Variants in ERO1A observed in about 807,000 individuals in gnomAD.
ERO1A encodes the protein ERO1-like protein alpha.
ERO1A carries 49 observed loss-of-function variants against 76.9 expected under a neutral mutation model. That is an observed-to-expected ratio of 0.64 (90% CI 0.51 to 0.81). The LOEUF is 0.81. ERO1A is among the 30% of genes least tolerant of loss of function. The pLI is 0.00. For synonymous variants in ERO1A, 174 were observed against 181.2 expected, an observed-to-expected ratio of 0.96 and a Z score of 0.32; for missense variants, 448 against 542.1, an observed-to-expected ratio of 0.83 and a Z score of 1.72.
intron 3 of ERO1A, among the ~76,000 whole-genome samples, chr14:52,681,344 A>C (rs1471606541): frequency 1.3e-5 from 2 of 152,232 alleles, no homozygotes; most frequent in African/African-American, 4.8e-5. Context: ...CTGTAATCCC[A>C]GCACTTTGGG....
At chr14:52,659,854 AAGAC>A (rs1295162833) in intron 9 of ERO1A, among the ~76,000 whole-genome samples, 1 of 151,272 alleles carries the variant, frequency 6.6e-6, no homozygotes, top group Non-Finnish European at 1.5e-5. Context: ...AAAAAGAAAA[AAGAC>A]AGTCTTGCTC....
chr14:52,662,946 G>GTT (rs1351012567), intron 8 of ERO1A, among the ~76,000 whole-genome samples: 1 of 152,146 alleles, frequency 6.6e-6, no homozygotes, highest in East Asian at 1.9e-4. Context: ...GGGAAAGGCC[G>GTT]TAAGAGGAAA....
chr14:52,686,127 G>A (rs1442783440), intron 1 of ERO1A, among the ~76,000 whole-genome samples: 4 of 152,082 alleles, frequency 2.6e-5, no homozygotes, highest in African/African-American at 9.7e-5. Flanking sequence ...CAGGAGAATC[G>A]CTTGAACCCA....
rs1594817870 is a variant in ERO1A, at chr14:52,646,288, CTG to C, written c.1213-3_1213-2del. 2 of 1,604,328 alleles carry C rather than the reference CTG, an allele frequency of 1.2e-6. No homozygotes were observed. Among genetic ancestry groups the C allele is most frequent in the African/African-American group, 2.7e-5 (2 of 74,058 alleles). On this transcript the variant is annotated splice_acceptor_variant and splice_polypyrimidine_tract_variant and intron_variant, in intron 14 of 15. Coordinates refer to ENST00000395686, the MANE Select transcript of ERO1A (RefSeq NM_014584.3). LOFTEE classifies it high-confidence loss of function. ...TCAGAGCAGTGCCCAAACCCTGAGT[CTG>C]TAATAGAAATAAGGAAAAAAGAAAA...
At chr14:52,689,085 A>G (rs556027687) in intron 1 of ERO1A, among the ~76,000 whole-genome samples, 1 of 151,898 alleles carries the variant, frequency 6.6e-6, no homozygotes, top group Admixed American at 6.6e-5. Context: ...CCTCCCAAGT[A>G]GCTGGGATTA....
chr14:52,668,804 A>G (rs2040503197), intron 6 of ERO1A, among the ~76,000 whole-genome samples: 1 of 148,504 alleles, frequency 6.7e-6, no homozygotes, highest in Non-Finnish European at 1.5e-5. Context: ...TTATACAATT[A>G]TATTTGAAGT....
At chr14:52,644,587 G>A (rs747687210) in intron 15 of ERO1A, among the ~76,000 whole-genome samples, 10 of 151,846 alleles carry the variant, frequency 6.6e-5, no homozygotes, top group Non-Finnish European at 1.3e-4. Context: ...AAAAGTATTC[G>A]TATGCTTAAT....
intron 2 of ERO1A, among the ~76,000 whole-genome samples, chr14:52,682,770 G>A (rs1280803941): frequency 6.6e-6 from 1 of 152,072 alleles, no homozygotes; most frequent in East Asian, 1.9e-4. Context: ...CTGGTGGCAG[G>A]TGCCTGTAAT....
intron 7 of ERO1A, chr14:52,664,131 C>T (rs896646429): frequency 4.4e-6 from 1 of 228,192 alleles, no homozygotes; most frequent in Non-Finnish European, 8.6e-6. Flanking sequence ...CTCGGAGTCA[C>T]TACTATGTTT....
intron 3 of ERO1A, among the ~76,000 whole-genome samples, chr14:52,679,412 C>T (rs935023144): frequency 7.1e-5 from 10 of 141,266 alleles, no homozygotes; most frequent in Admixed American, 7.0e-4. Context: ...TAAATACCTT[C>T]CAATGATTTT....
In ERO1A at chr14:52,640,695, G is replaced by C. The variant is rs1402927215; in HGVS notation, c.*2875C>G. ...GAAGATGAAAGAGTGATGTATCAGA[G>C]AGGTGGAGATAAAATCAGTAAAACT... is the stretch of plus-strand genomic sequence containing the variant. On this transcript the variant is annotated 3_prime_UTR_variant, in exon 16 of 16. Transcript: ENST00000395686. 1.3e-5 allele frequency: 2 copies of C among 152,206 alleles called. No individual in the cohort carries two copies. The highest frequency in any genetic ancestry group is 2.9e-5 in the Non-Finnish European group (2 of 68,072). 9.4% of individuals were successfully genotyped at this position (152,206 alleles called of 1,614,324 possible). A position where few individuals can be genotyped will look rare whatever the true frequency, so the allele number is the denominator to read the frequency against.
chr14:52,666,437 A>G lies in ERO1A; in HGVS notation c.567T>C (p.Thr189=). 6.2e-7 allele frequency: 1 copy of G among 1,611,476 alleles called. No homozygotes were observed. The highest frequency in any genetic ancestry group is 8.5e-7 in the Non-Finnish European group (1 of 1,178,618). The change falls in exon 7 of 16, where the codon ACT becomes ACC. Residue 189 remains threonine (T), a synonymous_variant. Coordinates refer to ENST00000395686, the MANE Select transcript of ERO1A (RefSeq NM_014584.3). ...VDLLLNPERY[T]GYKGPDAWKI... ...TCCAAGCATCTGGTCCCTTGTAACCAGTGTAGCGCTCAGGATTAAGAAGCA... is the reference window on the plus strand; with the variant it reads ...TCCAAGCATCTGGTCCCTTGTAACCGGTGTAGCGCTCAGGATTAAGAAGCA...
chr14:52,645,198 T>TA, intron 15 of ERO1A, among the ~76,000 whole-genome samples: 1 of 151,704 alleles, frequency 6.6e-6, no homozygotes, highest in East Asian at 1.9e-4. Flanking sequence ...AATAATTGGA[T>TA]AAAAAAACTG....
rs149324695 is a variant in ERO1A, at chr14:52,640,914, T to C, written c.*2656A>G. 1.3e-5 allele frequency: 2 copies of C among 151,238 alleles called. No individual in the cohort carries two copies. The highest frequency in any genetic ancestry group is 3.9e-4 in the East Asian group (2 of 5,132). 9.4% of individuals were successfully genotyped at this position (151,238 alleles called of 1,614,324 possible). ...TGCAACAGGCAGATGGATTGAGGAG[T>C]CTGGCTAAAGATAAGGATTTAGGAA... On this transcript the variant is annotated 3_prime_UTR_variant, in exon 16 of 16. Transcript: ENST00000395686.
intron 6 of ERO1A, among the ~76,000 whole-genome samples, chr14:52,667,530 G>A (rs1381361464): frequency 6.6e-6 from 1 of 152,062 alleles, no homozygotes; most frequent in African/African-American, 2.4e-5. Flanking sequence ...AAAATTCACA[G>A]GCAACCTGGT....
chr14:52,670,033 A>G (rs879791297), intron 6 of ERO1A, among the ~76,000 whole-genome samples: 13 of 151,662 alleles, frequency 8.6e-5, no homozygotes, highest in Non-Finnish European at 1.6e-4. Flanking sequence ...CAATCCTCCC[A>G]CTCCCCGAGT....
At chr14:52,693,191 A>G (rs1470987594) in intron 1 of ERO1A, among the ~76,000 whole-genome samples, 1 of 151,978 alleles carries the variant, frequency 6.6e-6, no homozygotes, top group East Asian at 1.9e-4. Flanking sequence ...CACTGATGCA[A>G]TCATGGCTTA....
At position 52,695,433 on chromosome 14, in the gene ERO1A, G is replaced by C. The variant is rs1000678895; in HGVS notation, c.49C>G (p.Leu17Val). 7 of 1,552,438 alleles carry C rather than the reference G, an allele frequency of 4.5e-6. No individual in the cohort carries two copies. The highest frequency in any genetic ancestry group is 6.1e-6 in the Non-Finnish European group (7 of 1,149,546). ...FLFGLLGAVW[L>V]LSSGHGEEQP... is the part of the protein sequence containing the mutation. ...TCCTCTCCGTGGCCCGAGCTGAGCAGCCACACGGCGCCCAGGAGGCCAAAC... is the reference window on the plus strand; with the variant it reads ...TCCTCTCCGTGGCCCGAGCTGAGCACCCACACGGCGCCCAGGAGGCCAAAC... The change falls in exon 1 of 16, where the codon CTG (leucine) becomes GTG (valine). Residue 17 changes from leucine to valine, a missense_variant. This residue lies in a region of ERO1A where 146 missense variants were observed against 130.2 expected (regional missense o/e 1.12). Transcript: ENST00000395686.
chr14:52,672,784 A>C (rs1300373729), intron 4 of ERO1A, among the ~76,000 whole-genome samples: 1 of 150,760 alleles, frequency 6.6e-6, no homozygotes, highest in Non-Finnish European at 1.5e-5. Context: ...ACCAAAAAAA[A>C]AAAAAAAAAC....
Sources: gnomAD v4.1 joint callset for allele counts (sites outside exome capture counted in the v4.1 genomes callset) on GRCh38, gnomAD v4.1.1 for gene constraint, gnomAD v4.1.1 regional missense constraint, MANE v1.5 for transcripts, NCBI Gene and HGNC (gene_info 2026-07-23, HGNC 2026-07-21) for gene names.